DERA: variants seen among roughly 807,000 people sequenced by gnomAD.
DERA encodes deoxyribose-phosphate aldolase.
DERA carries 15 observed loss-of-function variants against 41.1 expected under a neutral mutation model. The observed-to-expected ratio is 0.37, with a 90% CI of 0.24 to 0.56. The LOEUF (loss-of-function observed/expected upper bound fraction) is 0.56, where lower values mean the gene tolerates loss of function less well. Among genes scored for constraint, DERA ranks in the 20% least tolerant of loss-of-function variants. The pLI is 0.81. For synonymous variants in DERA, 139 were observed against 137.4 expected (o/e 1.01, Z -0.08); for missense variants, 396 against 403.4 (o/e 0.98, Z 0.16).
intron 1 of DERA, among the ~76,000 whole-genome samples, chr12:15,942,085 G>C (rs1402602263): frequency 6.6e-6 from 1 of 152,132 alleles, no homozygotes; most frequent in Admixed American, 6.5e-5. Flanking sequence ...TCTCATTGTG[G>C]TTTTAATTTG....
chr12:15,933,386 A>G (rs748977082), intron 1 of DERA, among the ~76,000 whole-genome samples: 4 of 151,960 alleles, frequency 2.6e-5, no homozygotes, highest in Non-Finnish European at 4.4e-5. Context: ...TTCCACACTG[A>G]TCCTCTGATT....
At position 16,011,182 on chromosome 12, in the gene DERA, T is replaced by C. The variant is rs77318485; in HGVS notation, c.638-21360T>C. Among the ~76,000 whole-genome samples, 1 of 152,174 alleles carries C rather than the reference T, an allele frequency of 6.6e-6. No individual in the cohort carries two copies. Among genetic ancestry groups the C allele is most frequent in the Admixed American group, 6.5e-5 (1 of 15,274 alleles). On this transcript the variant is annotated intron_variant, in intron 6 of 8. Coordinates refer to ENST00000428559, the MANE Select transcript of DERA (RefSeq NM_015954.4). The surrounding 1 kb of genome is among the most constrained non-coding windows in gnomAD (Gnocchi z 4.7). ...TATATTCCAAACTTGCTAGTGACAG[T>C]AGAAAGCACAATCAAAAGGAAATTC...
intron 1 of DERA, among the ~76,000 whole-genome samples, chr12:15,944,552 C>G (rs1163432911): frequency 1.3e-5 from 2 of 152,144 alleles, no homozygotes; most frequent in Middle Eastern, 3.2e-3. Flanking sequence ...TGTTCATATC[C>G]TTCGCCCACT....
At position 15,981,126 on chromosome 12, in the gene DERA, A is replaced by AT. The variant is rs1366569042; in HGVS notation, c.509-1180dup. On this transcript the variant is annotated intron_variant, in intron 5 of 8. Coordinates refer to ENST00000428559, the MANE Select transcript of DERA (RefSeq NM_015954.4). The surrounding 1 kb of genome is among the most constrained non-coding windows in gnomAD (Gnocchi z 6.1). ...CACTTTGGGACGCTGAGGCAGGCGG[A>AT]TTACCAGATCAGGAGATCGAGACCA... 6.6e-6 allele frequency among the ~76,000 whole-genome samples: 1 copy of AT among 152,100 alleles called. No homozygotes were observed. The highest frequency in any genetic ancestry group is 2.4e-5 in the African/African-American group (1 of 41,412).
intron 5 of DERA, among the ~76,000 whole-genome samples, chr12:15,980,326 C>T (rs905706420): frequency 6.6e-6 from 1 of 152,136 alleles, no homozygotes; most frequent in African/African-American, 2.4e-5. Flanking sequence ...CTGCATTTGT[C>T]CTACTCTAAA....
chr12:15,958,954 C>T (rs908214062), intron 3 of DERA, among the ~76,000 whole-genome samples: 9 of 152,082 alleles, frequency 5.9e-5, no homozygotes, highest in Middle Eastern at 3.2e-3. Context: ...GAAGGCTAAG[C>T]GGCATTCCCA....
chr12:15,919,852 A>C (rs1286965537), intron 1 of DERA, among the ~76,000 whole-genome samples: 1 of 152,182 alleles, frequency 6.6e-6, no homozygotes, highest in Non-Finnish European at 1.5e-5. Context: ...AAGGTGGTTA[A>C]TGATGCTAAG....
At chr12:15,949,126 A>T (rs1948475697) in intron 1 of DERA, among the ~76,000 whole-genome samples, 1 of 152,206 alleles carries the variant, frequency 6.6e-6, no homozygotes, top group Non-Finnish European at 1.5e-5. Context: ...GGTGCCTCCC[A>T]GTTAGGCTAC....
Position 16,013,258 on chromosome 12 carries a change from T to C in DERA, c.638-19284T>C, listed in dbSNP as rs1319101689. Reference sequence around the variant, plus strand: ...ATGTGTGACTGCACATGCTGTTCATTTGTGATATGGTTATGCTTTGTATCC... The same window carrying C: ...ATGTGTGACTGCACATGCTGTTCATCTGTGATATGGTTATGCTTTGTATCC... On this transcript the variant is annotated intron_variant, in intron 6 of 8. Coordinates refer to ENST00000428559, the MANE Select transcript of DERA (RefSeq NM_015954.4). This position sits in a 1 kb window ranked among gnomAD's most constrained non-coding sequence, Gnocchi z 5.8. Among the ~76,000 whole-genome samples the C allele has an allele frequency of 3.9e-5, 6 of 152,214 alleles. No individual in the cohort carries two copies. The highest frequency in any genetic ancestry group is 1.2e-4 in the African/African-American group (5 of 41,466).
At position 16,011,706 on chromosome 12, in the gene DERA, G is replaced by T. The variant is rs1435453012; in HGVS notation, c.638-20836G>T. On this transcript the variant is annotated intron_variant, in intron 6 of 8. Transcript: ENST00000428559. This position sits in a 1 kb window ranked among gnomAD's most constrained non-coding sequence, Gnocchi z 4.7. ...TCAATAAGGTCAGCTATAGGAACTG[G>T]CCAAGAAGGAAAAATATTTTGATTT... 6.6e-6 allele frequency among the ~76,000 whole-genome samples: 1 copy of T among 152,136 alleles called. No individual in the cohort carries two copies. Among genetic ancestry groups the T allele is most frequent in the Non-Finnish European group, 1.5e-5 (1 of 68,022 alleles).
intron 4 of DERA, among the ~76,000 whole-genome samples, chr12:15,960,663 A>AAG (rs1948580598): frequency 6.7e-6 from 1 of 149,002 alleles, no homozygotes; most frequent in Non-Finnish European, 1.5e-5. Context: ...AAAAAAAAAA[A>AAG]CAACGATATG....
intron 1 of DERA, among the ~76,000 whole-genome samples, chr12:15,912,061 G>T (rs1948168144): frequency 6.8e-6 from 1 of 148,140 alleles, no homozygotes; most frequent in African/African-American, 2.5e-5. Context: ...GGTGTTTCTC[G>T]CAGAGGGGGA....
At chr12:15,958,875 C>T (rs917092980) in intron 3 of DERA, among the ~76,000 whole-genome samples, 2 of 152,142 alleles carry the variant, frequency 1.3e-5, no homozygotes, top group Non-Finnish European at 2.9e-5. Context: ...AGAACCTTAG[C>T]ATTTTGGAGA....
intron 6 of DERA, 46 bp from the exon 7 acceptor site, chr12:16,032,496 A>G: frequency 8.8e-7 from 1 of 1,140,184 alleles, no homozygotes; most frequent in Non-Finnish European, 1.2e-6. Flanking sequence ...AAAGTGTAAA[A>G]AAAGAATCTT....
At position 15,984,519 on chromosome 12, in the gene DERA, GA is replaced by G; in HGVS notation, c.637+2086del. On this transcript the variant is annotated intron_variant, in intron 6 of 8. Transcript: ENST00000428559. The surrounding 1 kb of genome is among the most constrained non-coding windows in gnomAD (Gnocchi z 4.5). ...CATGGTGTGCTTTACCAGGTACATT[GA>G]AACAATATTCCTTCGTCCTCACATC... 6.6e-6 allele frequency among the ~76,000 whole-genome samples: 1 copy of G among 152,274 alleles called. No individual in the cohort carries two copies. Among genetic ancestry groups the G allele is most frequent in the Non-Finnish European group, 1.5e-5 (1 of 68,024 alleles).
chr12:15,987,207 G>A (rs890688960), intron 6 of DERA, among the ~76,000 whole-genome samples: 4 of 125,278 alleles, frequency 3.2e-5, no homozygotes, highest in Admixed American at 7.9e-5. Context: ...AGTTTAGGAC[G>A]TTTTCAAAAC....
intron 1 of DERA, among the ~76,000 whole-genome samples, chr12:15,945,182 C>G (rs1175887425): frequency 6.6e-6 from 1 of 152,154 alleles, no homozygotes; most frequent in Non-Finnish European, 1.5e-5. Context: ...CAGCTTTGTT[C>G]TTTTGGCTTA....
chr12:15,944,435 A>T (rs1948431445), intron 1 of DERA, among the ~76,000 whole-genome samples: 1 of 152,072 alleles, frequency 6.6e-6, no homozygotes, highest in Non-Finnish European at 1.5e-5. Context: ...CTGGTGTGAG[A>T]TGGTATCTCA....
In DERA at chr12:16,032,532, T is replaced by C. The variant is rs887233704; in HGVS notation, c.638-10T>C. Reference sequence around the variant, plus strand: ...TAATTAACATGGAGTTTTTCCTCTTTTTGTTTTAGGATCAGATTTTATTAA... The same window carrying C: ...TAATTAACATGGAGTTTTTCCTCTTCTTGTTTTAGGATCAGATTTTATTAA... On this transcript the variant is annotated splice_polypyrimidine_tract_variant and intron_variant, in intron 6 of 8. Coordinates refer to ENST00000428559, the MANE Select transcript of DERA (RefSeq NM_015954.4). 7.7e-7 allele frequency: 1 copy of C among 1,303,806 alleles called. No individual in the cohort carries two copies. The highest frequency in any genetic ancestry group is 4.5e-5 in the Admixed American group (1 of 22,060). The allele number at this position is 1,303,806 out of a possible 1,614,324, so 80.8% of individuals were successfully genotyped here.
Sources: allele counts gnomAD v4.1 joint callset (sites outside exome capture counted in the v4.1 genomes callset), GRCh38; gene constraint gnomAD v4.1.1; non-coding constraint Gnocchi (gnomAD v3.1); transcripts MANE v1.5; gene names NCBI Gene and HGNC (gene_info 2026-07-23, HGNC 2026-07-21).